Variants in PSMC6 observed in about 807,000 individuals in gnomAD.
The protein encoded by PSMC6 is proteasome 26S subunit, ATPase 6.
A neutral mutation model predicts 55.9 loss-of-function variants in PSMC6; 3 were observed. That is an observed-to-expected ratio of 0.05 (90% CI 0.02 to 0.14). The LOEUF is 0.14. PSMC6 is among the 10% of genes least tolerant of loss of function. The pLI is 1.00. For missense variants in PSMC6, 210 were observed against 478.7 expected (o/e 0.44, Z 5.24); for synonymous variants, 137 against 155.9 (o/e 0.88, Z 0.90).
chr14:52,707,910 A>T (rs1441891928), intron 1 of PSMC6, among the ~76,000 whole-genome samples: 4 of 152,172 alleles, frequency 2.6e-5, no homozygotes, highest in Non-Finnish European at 5.9e-5. Flanking sequence ...TCTGTGGAGA[A>T]CTGCATTTGT....
At chr14:52,720,759 A>G (rs1024604831) in intron 10 of PSMC6, 102 bp from the exon 11 acceptor site, 19 of 905,848 alleles carry the variant, frequency 2.1e-5, no homozygotes, top group South Asian at 1.9e-4. Flanking sequence ...GAACATATCT[A>G]TCTGTAGACA....
At chr14:52,711,264 A>C (rs2041769228) in intron 5 of PSMC6, 96 bp downstream of exon 5, 1 of 1,365,070 alleles carries the variant, frequency 7.3e-7, no homozygotes, top group Non-Finnish European at 1.0e-6. Context: ...ATATTTTGGC[A>C]CTTTTTCCCT....
At chr14:52,717,215 A>G (rs1408032369) in intron 7 of PSMC6, among the ~76,000 whole-genome samples, 3 of 152,232 alleles carry the variant, frequency 2.0e-5, no homozygotes, top group Non-Finnish European at 2.9e-5. Context: ...TTCAATATAT[A>G]CATGTATCAT....
chr14:52,721,079 AC>A (rs2041885789), intron 11 of PSMC6, 30 bp from the exon 12 acceptor site: 1 of 1,579,634 alleles, frequency 6.3e-7, no homozygotes, highest in Non-Finnish European at 8.6e-7. Context: ...AAAAGATAAA[AC>A]TGGACTATAA....
At chr14:52,707,770 G>A (rs1466807494) in intron 1 of PSMC6, among the ~76,000 whole-genome samples, 1 of 152,180 alleles carries the variant, frequency 6.6e-6, no homozygotes, top group African/African-American at 2.4e-5. Flanking sequence ...ATATCGTCTT[G>A]TGTTTCGTGT....
chr14:52,710,410 C>A (rs2041757740), intron 4 of PSMC6: 1 of 152,084 alleles, frequency 6.6e-6, no homozygotes, highest in Non-Finnish European at 1.5e-5. Flanking sequence ...GCCTGGGCGA[C>A]AGAGTGAGAC....
At chr14:52,708,930 G>C (rs1456974643) in intron 4 of PSMC6, 114 bp downstream of exon 4, 1 of 1,470,462 alleles carries the variant, frequency 6.8e-7, no homozygotes, top group African/African-American at 1.4e-5. Context: ...AACTCACAAG[G>C]ATGATTTGTT....
intron 7 of PSMC6, among the ~76,000 whole-genome samples, chr14:52,715,511 C>A (rs2041820929): frequency 6.6e-6 from 1 of 152,096 alleles, no homozygotes; most frequent in Non-Finnish European, 1.5e-5. Context: ...CAACTGACAC[C>A]ATCTATTGCC....
At chr14:52,721,014 C>T (rs2041884823) in intron 11 of PSMC6, 33 bp downstream of exon 11, 2 of 1,600,942 alleles carry the variant, frequency 1.2e-6, no homozygotes, top group Non-Finnish European at 1.7e-6. Context: ...CTGTCCATTT[C>T]CCTTTGTGCC....
intron 7 of PSMC6, 25 bp downstream of exon 7, chr14:52,713,993 C>T (rs2041802577): frequency 3.1e-6 from 4 of 1,282,500 alleles, no homozygotes; most frequent in Non-Finnish European, 2.2e-6. Context: ...ATTTCTACTC[C>T]ACCAATAAGA....
At chr14:52,718,509 C>G (rs1347734559) in intron 9 of PSMC6, 157 bp downstream of exon 9, 1 of 830,298 alleles carries the variant, frequency 1.2e-6, no homozygotes, top group African/African-American at 1.7e-5. Flanking sequence ...CCTTTCATGG[C>G]CGGGTGTGGT....
chr14:52,710,783 C>A, intron 4 of PSMC6: 1 of 334,590 alleles, frequency 3.0e-6, no homozygotes, highest in Non-Finnish European at 5.5e-6. Flanking sequence ...CTAAAATGTT[C>A]ACTAAGGGAT....
At position 52,718,162 on chromosome 14, in the gene PSMC6, G is replaced by T. The variant is rs1420315258; in HGVS notation, c.591+20G>T. ...TTAAAGGTAAAGGGAAGATTATTTT[G>T]TACTTATTGAAATTTAATTTTACTT... is the stretch of plus-strand genomic sequence containing the variant. On this transcript the variant is annotated intron_variant, in intron 8 of 13. Transcript: ENST00000445930. 47 of 1,611,588 alleles carry T rather than the reference G, an allele frequency of 2.9e-5. No individual in the cohort carries two copies. Among genetic ancestry groups the T allele is most frequent in the Non-Finnish European group, 4.0e-5 (47 of 1,178,056 alleles).
rs780445171 is a variant in PSMC6 at position 52,708,322 on chromosome 14, A to G, written c.99A>G (p.Leu33=). The G allele has an allele frequency of 1.2e-6, 2 of 1,609,960 alleles. No individual in the cohort carries two copies. Among genetic ancestry groups the G allele is most frequent in the Admixed American group, 1.7e-5 (1 of 59,986 alleles). Residue 33 remains leucine, a synonymous_variant, in exon 2 of 14, where the codon TTA becomes TTG. Coordinates refer to ENST00000445930, the MANE Select transcript of PSMC6 (RefSeq NM_002806.5). The stretch of plus-strand genomic sequence containing the variant: ...GTATTATTTCAGTAAGGGAACAATT[A>G]AAAGAACTTACCAAGCAGTATGAAA... ...DGRLKELREQ[L]KELTKQYEKS...
intron 12 of PSMC6, chr14:52,723,523 A>C (rs1246989685): frequency 6.4e-6 from 1 of 155,664 alleles, no homozygotes; most frequent in Non-Finnish European, 1.4e-5. Context: ...GTATGATTAC[A>C]TTTCAGTTTT....
At chr14:52,713,748 C>G in intron 6 of PSMC6, 133 bp from the exon 7 acceptor site, 3 of 500,548 alleles carry the variant, frequency 6.0e-6, no homozygotes, top group Non-Finnish European at 1.0e-5. Flanking sequence ...ATGGTTTTAC[C>G]TAGCATGGAA....
At position 52,707,206 on chromosome 14, in the gene PSMC6, G is replaced by A; in HGVS notation, c.-14G>A. 6 of 1,613,690 alleles carry A rather than the reference G, an allele frequency of 3.7e-6. No homozygotes were observed. Among genetic ancestry groups the A allele is most frequent in the Non-Finnish European group, 5.1e-6 (6 of 1,179,872 alleles). Reference sequence around the variant, plus strand: ...GCCATTCCCGGCATCCCCTATGAGAGACGGCTTCTCATCATGGCGGACCCT... The same window carrying A: ...GCCATTCCCGGCATCCCCTATGAGAAACGGCTTCTCATCATGGCGGACCCT... On this transcript the variant is annotated 5_prime_UTR_variant, in exon 1 of 14. Transcript: ENST00000445930.
intron 10 of PSMC6, among the ~76,000 whole-genome samples, chr14:52,720,395 A>T (rs2139852332): frequency 6.8e-6 from 1 of 147,412 alleles, no homozygotes; most frequent in Non-Finnish European, 1.5e-5. Flanking sequence ...AAAAAAAAAA[A>T]AATTATCAGT....
intron 1 of PSMC6, 127 bp downstream of exon 1, chr14:52,707,431 G>C: frequency 7.6e-7 from 1 of 1,311,808 alleles, no homozygotes; most frequent in South Asian, 1.4e-5. Flanking sequence ...CCAGGGACAA[G>C]GCGCTTTGTC....
Sources: allele counts gnomAD v4.1 joint callset (sites outside exome capture counted in the v4.1 genomes callset), GRCh38; gene constraint gnomAD v4.1.1; transcripts MANE v1.5; gene names NCBI Gene and HGNC (gene_info 2026-07-23, HGNC 2026-07-21).